Variants in SLC8A1 observed in about 807,000 individuals in gnomAD.
SLC8A1 encodes sodium/calcium exchanger 1.
In SLC8A1, 18 loss-of-function variants were observed where a neutral mutation model predicts 68.3. The ratio of observed to expected loss-of-function variants is 0.26; its 90% confidence interval spans 0.18 to 0.39. SLC8A1 has a LOEUF of 0.39. SLC8A1 is among the 10% of genes least tolerant of loss of function. The pLI, the probability that SLC8A1 is intolerant of heterozygous loss-of-function variation, is 1.00. For synonymous variants in SLC8A1, 475 were observed against 415.5 expected, an observed-to-expected ratio of 1.14 and a Z score of -1.74; for missense variants, 985 against 1,156.7, an observed-to-expected ratio of 0.85 and a Z score of 2.15.
chr2:40,398,896 C>T (rs974042225), intron 2 of SLC8A1, among the ~76,000 whole-genome samples: 6 of 152,140 alleles, frequency 3.9e-5, no homozygotes, highest in Non-Finnish European at 8.8e-5. Flanking sequence ...CTGATGTTTG[C>T]AAAATTTGTC....
intron 6 of SLC8A1, among the ~76,000 whole-genome samples, chr2:40,155,593 T>C (rs946809119): frequency 2.6e-5 from 4 of 152,202 alleles, no homozygotes; most frequent in Admixed American, 6.5e-5. Context: ...TGAAACTCAT[T>C]TGAGGTACCA....
At chr2:40,175,501 C>T (rs1015038182) in intron 3 of SLC8A1, among the ~76,000 whole-genome samples, 7 of 118,802 alleles carry the variant, frequency 5.9e-5, no homozygotes, top group Admixed American at 2.5e-4. Flanking sequence ...TGAATACATA[C>T]GTATATGTGT....
intron 1 of SLC8A1, among the ~76,000 whole-genome samples, chr2:40,475,715 A>C: frequency 6.6e-6 from 1 of 152,172 alleles, no homozygotes; most frequent in South Asian, 2.1e-4. Flanking sequence ...AAATAACTAC[A>C]TTTGCCAAAA....
At chr2:40,453,303 G>C (rs898443750), upstream of SLC8A1, 1 of 151,946 alleles carries the variant, frequency 6.6e-6, no homozygotes, top group South Asian at 2.1e-4. Context: ...CAAGGTGTGT[G>C]GGGGGGTCAG....
intron 2 of SLC8A1, among the ~76,000 whole-genome samples, chr2:40,334,952 G>T (rs1397329846): frequency 6.6e-6 from 1 of 152,134 alleles, no homozygotes; most frequent in Non-Finnish European, 1.5e-5. Flanking sequence ...CCCCTAACCT[G>T]TACCAAGGCC....
At chr2:40,194,295 G>T (rs563993039) in intron 2 of SLC8A1, among the ~76,000 whole-genome samples, 1 of 152,184 alleles carries the variant, frequency 6.6e-6, no homozygotes, top group African/African-American at 2.4e-5. Flanking sequence ...GATTTACATG[G>T]AAAATTGCTA....
At chr2:40,399,225 G>C (rs1687927935) in intron 2 of SLC8A1, among the ~76,000 whole-genome samples, 1 of 152,086 alleles carries the variant, frequency 6.6e-6, no homozygotes, top group Non-Finnish European at 1.5e-5. Context: ...AAGAAATCTA[G>C]ACAGCAATCT....
chr2:40,227,826 T>A (rs1342347003), intron 2 of SLC8A1, among the ~76,000 whole-genome samples: 1 of 152,090 alleles, frequency 6.6e-6, no homozygotes, highest in East Asian at 1.9e-4. Context: ...CGGTGCTATA[T>A]ATGACCAACA....
At chr2:40,390,625 C>T (rs1248339208) in intron 2 of SLC8A1, among the ~76,000 whole-genome samples, 2 of 152,090 alleles carry the variant, frequency 1.3e-5, no homozygotes, top group African/African-American at 4.8e-5. Context: ...ACTTGAGGAA[C>T]CACCATCTTA....
At chr2:40,134,735 T>C (rs1041986470) in intron 7 of SLC8A1, among the ~76,000 whole-genome samples, 53 of 152,188 alleles carry the variant, frequency 3.5e-4, no homozygotes, top group African/African-American at 1.3e-3. Flanking sequence ...AATGTGTAAA[T>C]GACTGATTTG....
chr2:40,202,298 A>C (rs1242126082), intron 2 of SLC8A1, among the ~76,000 whole-genome samples: 1 of 151,972 alleles, frequency 6.6e-6, no homozygotes, highest in East Asian at 1.9e-4. Flanking sequence ...CAATCCTTTT[A>C]GATATAGCTG....
At chr2:40,399,489 G>A (rs1688029247) in intron 2 of SLC8A1, among the ~76,000 whole-genome samples, 2 of 152,114 alleles carry the variant, frequency 1.3e-5, no homozygotes, top group African/African-American at 4.8e-5. Flanking sequence ...GAAGTTGGCT[G>A]AAGGAATTTT....
intron 2 of SLC8A1, among the ~76,000 whole-genome samples, chr2:40,425,639 G>A (rs1420162910): frequency 6.6e-6 from 1 of 151,644 alleles, no homozygotes; most frequent in Admixed American, 6.6e-5. Context: ...TTTTGAAGGA[G>A]GACATCTTTC....
rs554603355 is a variant in SLC8A1, at chr2:40,312,683, G to A, written c.1808+115790C>T. ...ACATACATTGGAAAATACAAGATAA[G>A]ATTGCATACCAAGTTAATCACATAA... On this transcript the variant is annotated intron_variant, in intron 2 of 7. Transcript: ENST00000406785. 7.9e-5 allele frequency among the ~76,000 whole-genome samples: 12 copies of A among 152,160 alleles called. No homozygotes were observed. In the South Asian group the frequency reaches 2.5e-3, roughly 32 times the overall value.
intron 2 of SLC8A1, among the ~76,000 whole-genome samples, chr2:40,322,401 T>A (rs998642244): frequency 6.6e-6 from 1 of 151,042 alleles, no homozygotes; most frequent in Non-Finnish European, 1.5e-5. Context: ...TTCACACCTG[T>A]AATCCCAGTG....
intron 7 of SLC8A1, chr2:40,120,928 A>C (rs963053586): frequency 6.6e-6 from 1 of 152,234 alleles, no homozygotes; most frequent in South Asian, 2.1e-4. Flanking sequence ...ATAGTGTTAG[A>C]AGTACCTGGA....
At chr2:40,400,409 C>G (rs1485317843) in intron 2 of SLC8A1, among the ~76,000 whole-genome samples, 1 of 152,216 alleles carries the variant, frequency 6.6e-6, no homozygotes, top group Non-Finnish European at 1.5e-5. Context: ...ACTGGGCTAT[C>G]TGAGAATTCA....
intron 1 of SLC8A1, among the ~76,000 whole-genome samples, chr2:40,484,325 G>A (rs1704816382): frequency 1.3e-5 from 2 of 152,166 alleles, no homozygotes; most frequent in Admixed American, 1.3e-4. Context: ...ATTATCCAAT[G>A]CCAGAGGAAC....
chr2:40,284,270 TAG>T (rs1276378456), intron 2 of SLC8A1, among the ~76,000 whole-genome samples: 2 of 149,970 alleles, frequency 1.3e-5, no homozygotes, highest in Non-Finnish European at 3.0e-5. Context: ...TATAAATATA[TAG>T]AGACATCTCT....
Sources: gnomAD v4.1 joint callset for allele counts (sites outside exome capture counted in the v4.1 genomes callset) on GRCh38, gnomAD v4.1.1 for gene constraint, MANE v1.5 for transcripts, NCBI Gene and HGNC (gene_info 2026-07-23, HGNC 2026-07-21) for gene names.